SART3: variants seen among roughly 807,000 people sequenced by gnomAD.
SART3 encodes spliceosome associated factor 3, U4/U6 recycling protein, also known as HIV-1 Tat-interacting protein of 110kDa.
Under a neutral mutation model 122.3 loss-of-function variants are expected in SART3, and 44 were observed. That is an observed-to-expected ratio of 0.36 (90% CI 0.28 to 0.46). The LOEUF (loss-of-function observed/expected upper bound fraction) is 0.46. Ranked by LOEUF, SART3 falls within the 20% of genes least tolerant of loss-of-function variation. The pLI is 1.00. For missense variants in SART3, 1,101 were observed against 1,229.0 expected, an observed-to-expected ratio of 0.90 and a Z score of 1.56; for synonymous variants, 442 against 454.0, an observed-to-expected ratio of 0.97 and a Z score of 0.34.
chr12:108,532,184 G>T (rs1872708631), intron 13 of SART3, 38 bp downstream of exon 13: 2 of 1,571,892 alleles, frequency 1.3e-6, no homozygotes, highest in Non-Finnish European at 1.7e-6. Flanking sequence ...ACAGCAAATG[G>T]GTTAGGCTCC....
chr12:108,526,664 C>A, intron 15 of SART3, 111 bp from the exon 16 acceptor site: 8 of 1,166,354 alleles, frequency 6.9e-6, no homozygotes, highest in Non-Finnish European at 8.8e-6. Context: ...GACACTTACT[C>A]CCTCACCAGA....
At chr12:108,531,125 A>G in intron 14 of SART3, 79 bp downstream of exon 14, 1 of 1,073,796 alleles carries the variant, frequency 9.3e-7, no homozygotes, top group Non-Finnish European at 1.4e-6. Flanking sequence ...AATGTAAAAC[A>G]TCTTGACAAG....
At chr12:108,545,547 T>A (rs1873365511) in intron 3 of SART3, among the ~76,000 whole-genome samples, 1 of 152,144 alleles carries the variant, frequency 6.6e-6, no homozygotes, top group East Asian at 1.9e-4. Flanking sequence ...TAACAATGCC[T>A]GTGAGAGAGT....
intron 1 of SART3, among the ~76,000 whole-genome samples, chr12:108,557,455 T>G (rs907251116): frequency 2.6e-5 from 4 of 152,150 alleles, no homozygotes; most frequent in African/African-American, 9.7e-5. Context: ...CTAGCTGTAC[T>G]AGAATGGGGG....
chr12:108,557,524 G>A (rs971725829), intron 1 of SART3, among the ~76,000 whole-genome samples: 1 of 152,184 alleles, frequency 6.6e-6, no homozygotes, highest in African/African-American at 2.4e-5. Flanking sequence ...AGGCAGGGAA[G>A]GGAGAATGGA....
chr12:108,546,981 G>A (rs1017976332), intron 3 of SART3, among the ~76,000 whole-genome samples: 21 of 152,142 alleles, frequency 1.4e-4, no homozygotes, highest in African/African-American at 4.3e-4. Flanking sequence ...CACCATGCCT[G>A]GCTAATTTTT....
chr12:108,535,296 A>T (rs1026457048), intron 12 of SART3, 63 bp downstream of exon 12: 2 of 1,304,292 alleles, frequency 1.5e-6, no homozygotes, highest in African/African-American at 2.9e-5. Flanking sequence ...GGAGTCAGCC[A>T]GGAGTGAAGA....
At chr12:108,526,948 C>G (rs147556290) in intron 15 of SART3, among the ~76,000 whole-genome samples, 244 of 152,332 alleles carry the variant, frequency 1.6e-3, no homozygotes, top group African/African-American at 5.5e-3. Flanking sequence ...GTGACTGATA[C>G]CCGTGCCCCA....
chr12:108,550,013 CAAAAAAAAA>C (rs10572379), intron 1 of SART3, among the ~76,000 whole-genome samples: 3 of 88,244 alleles, frequency 3.4e-5, no homozygotes, highest in African/African-American at 4.5e-5. Context: ...GACCCAATCT[CAAAAAAAAA>C]AAAAAAAAAA....
chr12:108,525,732 G>A (rs557907654), intron 16 of SART3, 123 bp from the exon 17 acceptor site: 18 of 1,021,984 alleles, frequency 1.8e-5, no homozygotes, highest in African/African-American at 1.1e-4. Context: ...GCCAAGCCAT[G>A]CTCTGAAACT....
In SART3 at chr12:108,530,196, C is replaced by G; in HGVS notation, c.1861G>C (p.Glu621Gln). The stretch of plus-strand genomic sequence containing the variant: ...TCATCCTCATCTGCTCCGCGCTTCT[C>G]TGGGCCTCTGATCTTTTTCTTCTTT... ...LKKKKKIRGP[E>Q]KRGADEDDEK... is the part of the protein sequence containing the mutation. Residue 621 changes from glutamate to glutamine, a missense_variant, in exon 15 of 19, where the codon GAG becomes CAG. By Grantham distance (29) the Glu-to-Gln change is conservative (BLOSUM62 2). This residue lies in a region of SART3 where 885 missense variants were observed against 1,080.1 expected (regional missense o/e 0.82). Transcript: ENST00000546815. The G allele has an allele frequency of 1.2e-6, 2 of 1,614,222 alleles. No homozygotes were observed. Among genetic ancestry groups the G allele is most frequent in the Non-Finnish European group, 8.5e-7 (1 of 1,180,046 alleles).
Position 108,549,235 on chromosome 12 carries a change from T to C in SART3, c.313-21A>G, listed in dbSNP as rs370996492. 5.5e-5 allele frequency: 88 copies of C among 1,613,772 alleles called. No homozygotes were observed. The highest frequency in any genetic ancestry group is 2.5e-5 in the Non-Finnish European group (30 of 1,179,842). On this transcript the variant is annotated intron_variant, in intron 1 of 18. Coordinates refer to ENST00000546815, the MANE Select transcript of SART3 (RefSeq NM_014706.4). ...GACAACTAACAGGAAAAGAAACAAGTTGAAATTTAAAACACCGTCATCAAG... is the reference window on the plus strand; with the variant it reads ...GACAACTAACAGGAAAAGAAACAAGCTGAAATTTAAAACACCGTCATCAAG...
chr12:108,546,858 T>C (rs1207877415), intron 3 of SART3, among the ~76,000 whole-genome samples: 1 of 151,760 alleles, frequency 6.6e-6, no homozygotes, highest in Non-Finnish European at 1.5e-5. Flanking sequence ...CTTGCTCTGT[T>C]GCCCAGGCTA....
At chr12:108,529,608 C>T (rs980128439) in intron 15 of SART3, among the ~76,000 whole-genome samples, 1 of 152,142 alleles carries the variant, frequency 6.6e-6, no homozygotes, top group Non-Finnish European at 1.5e-5. Flanking sequence ...TCAAAAGGGT[C>T]ATCACCAGTG....
At chr12:108,551,980 G>C (rs375273638) in intron 1 of SART3, among the ~76,000 whole-genome samples, 1 of 152,142 alleles carries the variant, frequency 6.6e-6, no homozygotes, top group Non-Finnish European at 1.5e-5. Context: ...ACTAAATTCA[G>C]TGTATAAGAA....
chr12:108,533,057 T>G (rs911129782), intron 12 of SART3, among the ~76,000 whole-genome samples: 1 of 152,232 alleles, frequency 6.6e-6, no homozygotes, highest in African/African-American at 2.4e-5. Flanking sequence ...TGTATTCATA[T>G]TTGTTTTTAA....
At chr12:108,547,010 G>A (rs968638310) in intron 3 of SART3, among the ~76,000 whole-genome samples, 1 of 152,118 alleles carries the variant, frequency 6.6e-6, no homozygotes, top group Non-Finnish European at 1.5e-5. Flanking sequence ...AGCAGAGACG[G>A]GGTTTTGCCA....
chr12:108,527,183 A>G (rs1487417694), intron 15 of SART3, among the ~76,000 whole-genome samples: 2 of 152,192 alleles, frequency 1.3e-5, no homozygotes, highest in Non-Finnish European at 2.9e-5. Flanking sequence ...AGCCCTGCAC[A>G]CTGCTACTGT....
chr12:108,537,629 A>C, intron 8 of SART3, 34 bp from the exon 9 acceptor site: 1 of 1,520,856 alleles, frequency 6.6e-7, no homozygotes, highest in Non-Finnish European at 9.1e-7. Flanking sequence ...TTTGTTACCA[A>C]TTCAAATGGA....
Sources: gnomAD v4.1 joint callset for allele counts (sites outside exome capture counted in the v4.1 genomes callset) on GRCh38, gnomAD v4.1.1 for gene constraint, gnomAD v4.1.1 regional missense constraint, MANE v1.5 for transcripts, NCBI Gene and HGNC (gene_info 2026-07-23, HGNC 2026-07-21) for gene names.